Variants in TRERF1 observed in about 807,000 individuals in gnomAD.
TRERF1 encodes transcriptional regulating factor 1, also known as transcriptional-regulating factor 1.
In TRERF1, 27 loss-of-function variants were observed where a neutral mutation model predicts 122.9. The observed-to-expected ratio is 0.22, with a 90% CI of 0.16 to 0.30. The LOEUF (loss-of-function observed/expected upper bound fraction) is 0.30. TRERF1 is among the 10% of genes least tolerant of loss of function. The pLI, the probability that TRERF1 is intolerant of heterozygous loss-of-function variation, is 1.00. For missense variants in TRERF1, 1,248 were observed against 1,560.3 expected (o/e 0.80, Z 3.37); for synonymous variants, 636 against 641.7 (o/e 0.99, Z 0.13).
chr6:42,415,358 G>A (rs1285256108), intron 2 of TRERF1, among the ~76,000 whole-genome samples: 2 of 151,934 alleles, frequency 1.3e-5, no homozygotes, highest in African/African-American at 4.8e-5. Flanking sequence ...TTTGTTTACA[G>A]TGTTACTCTT....
intron 4 of TRERF1, among the ~76,000 whole-genome samples, chr6:42,283,283 C>T (rs66566354): frequency 2.0e-5 from 3 of 152,334 alleles, no homozygotes; most frequent in Admixed American, 1.3e-4. Flanking sequence ...TGCTCTGTGC[C>T]TGTCCTCAAA....
chr6:42,320,523 T>TTTTTTTTTTA (rs1763245512), intron 3 of TRERF1, among the ~76,000 whole-genome samples: 2 of 151,406 alleles, frequency 1.3e-5, no homozygotes, highest in African/African-American at 4.9e-5. Flanking sequence ...TTTTTTTTTT[T>TTTTTTTTTTA]GAGACTGAGT....
chr6:42,259,693 G>A lies in TRERF1; in HGVS notation c.1915C>T (p.Pro639Ser), dbSNP rs748570319. The stretch of plus-strand genomic sequence containing the variant: ...GTCTTGAGGGGCTCCTCGGCTTTGG[G>A]CACACTCGGCTGATGCTTCCTGGGG... The change falls in exon 9 of 18, where the codon CCC becomes TCC. Residue 639 changes from proline (P) to serine (S), a missense_variant. This residue lies in a region of TRERF1 where 946 missense variants were observed against 1,073.0 expected (regional missense o/e 0.88). Coordinates refer to ENST00000372922, the Ensembl canonical transcript of TRERF1. The surrounding 1 kb of genome is among the most constrained non-coding windows in gnomAD (Gnocchi z 4.9). 2.1e-5 allele frequency: 34 copies of A among 1,605,178 alleles called. No homozygotes were observed. Among genetic ancestry groups the A allele is most frequent in the Non-Finnish European group, 2.7e-5 (32 of 1,179,970 alleles).
chr6:42,243,099 C>A (rs963779014), intron 15 of TRERF1, 149 bp downstream of exon 15: 3 of 670,484 alleles, frequency 4.5e-6, no homozygotes, highest in African/African-American at 3.6e-5. Context: ...GAGGGTAGGT[C>A]CTGAATCCTG....
At chr6:42,236,322 C>A (rs774288676) in exon 16 of TRERF1, 1 of 1,600,620 alleles carries the variant, frequency 6.2e-7, no homozygotes, top group East Asian at 2.2e-5. Flanking sequence ...GGGACTTCGG[C>A]ACCTCACTCT....
intron 4 of TRERF1, among the ~76,000 whole-genome samples, chr6:42,288,630 A>T (rs907202506): frequency 1.3e-5 from 2 of 151,130 alleles, no homozygotes; most frequent in Non-Finnish European, 2.9e-5. Context: ...TTGGCAGAAA[A>T]GTCAGGGAAG....
At chr6:42,308,823 T>C (rs1787741427) in intron 3 of TRERF1, among the ~76,000 whole-genome samples, 2 of 152,144 alleles carry the variant, frequency 1.3e-5, no homozygotes, top group African/African-American at 4.8e-5. Context: ...GCAGAAAAGA[T>C]TACAACTGGG....
In TRERF1 at chr6:42,249,760, G is replaced by T. The variant is rs574734666; in HGVS notation, c.2657-3216C>A. Among the ~76,000 whole-genome samples the T allele has an allele frequency of 3.3e-3, 502 of 152,298 alleles. 5 individuals are homozygous for T. The highest frequency in any genetic ancestry group is 0.011 in the African/African-American group (474 of 41,548). ...GAGGTGGCTCTTCTGCACAGTCCTA[G>T]GCTTTGTGCTTTGGTGCAAATGATA... On this transcript the variant is annotated intron_variant, in intron 13 of 17. Coordinates refer to ENST00000372922, the Ensembl canonical transcript of TRERF1.
rs542606544 is a variant in TRERF1, at chr6:42,379,328, G to A, written c.-453-16249C>T. Among the ~76,000 whole-genome samples, 3 of 152,164 alleles carry A rather than the reference G, an allele frequency of 2.0e-5. No homozygotes were observed. The East Asian group carries it at 5.8e-4, about 30-fold the overall frequency. On this transcript the variant is annotated intron_variant, in intron 2 of 17. Coordinates refer to ENST00000372922, the Ensembl canonical transcript of TRERF1. ...GATGGATCCACATGGCCAATGGAAA[G>A]CAATGGAGTCTCCACCACCCCAGCC...
intron 2 of TRERF1, among the ~76,000 whole-genome samples, chr6:42,434,668 C>CCACACACACA (rs3075920): frequency 3.6e-4 from 41 of 114,966 alleles, no homozygotes; most frequent in Middle Eastern, 4.8e-3. Flanking sequence ...ACACCCTCCA[C>CCACACACACA]CACACACACA....
In TRERF1 at chr6:42,232,424, G is replaced by C. The variant is rs73436256; in HGVS notation, c.3278+257C>G. Among the ~76,000 whole-genome samples the C allele has an allele frequency of 6.0e-3, 919 of 152,272 alleles. 15 individuals carry two copies. Among genetic ancestry groups the C allele is most frequent in the African/African-American group, 0.021 (867 of 41,542 alleles). ...AACCAGAGTCCCACCTGCCATTCCT[G>C]GGAAAGAGTGAAGTTTTGTAACTTA... is the stretch of plus-strand genomic sequence containing the variant. On this transcript the variant is annotated intron_variant, in intron 17 of 17. Transcript: ENST00000372922. This position sits in a 1 kb window ranked among gnomAD's most constrained non-coding sequence, Gnocchi z 4.5.
intron 4 of TRERF1, among the ~76,000 whole-genome samples, chr6:42,300,191 G>A (rs1174300356): frequency 6.6e-6 from 1 of 152,194 alleles, no homozygotes; most frequent in Admixed American, 6.5e-5. Context: ...GTCCAACACT[G>A]GCTGGAAACT....
intron 2 of TRERF1, among the ~76,000 whole-genome samples, chr6:42,408,514 G>C (rs1282716145): frequency 6.6e-6 from 1 of 150,868 alleles, no homozygotes; most frequent in East Asian, 1.9e-4. Flanking sequence ...GAGTAGCTGG[G>C]ATTACAGACA....
At chr6:42,243,490 C>T in intron 14 of TRERF1, 129 bp from the exon 15 acceptor site, 1 of 625,930 alleles carries the variant, frequency 1.6e-6, no homozygotes, top group Non-Finnish European at 2.8e-6. Context: ...AAAAATGTAC[C>T]TGGTGAAAGG....
At position 42,276,643 on chromosome 6, in the gene TRERF1, G is replaced by A. The variant is rs1781200965; in HGVS notation, c.-258-6795C>T. ...GATTAGTCTTCTAAATAATTCCAGTGGGTATTTTATAATCCAGTAACCCGA... is the reference window on the plus strand; with the variant it reads ...GATTAGTCTTCTAAATAATTCCAGTAGGTATTTTATAATCCAGTAACCCGA... On this transcript the variant is annotated intron_variant, in intron 4 of 17. Coordinates refer to ENST00000372922, the Ensembl canonical transcript of TRERF1. This position sits in a 1 kb window ranked among gnomAD's most constrained non-coding sequence, Gnocchi z 4.3. Among the ~76,000 whole-genome samples the A allele has an allele frequency of 2.0e-5, 3 of 152,192 alleles. No homozygotes were observed. Among genetic ancestry groups the A allele is most frequent in the Non-Finnish European group, 4.4e-5 (3 of 68,036 alleles).
intron 14 of TRERF1, among the ~76,000 whole-genome samples, chr6:42,244,333 C>T (rs1000648575): frequency 6.6e-6 from 1 of 152,098 alleles, no homozygotes; most frequent in African/African-American, 2.4e-5. Context: ...TACAGGCATG[C>T]ACCACCACGC....
chr6:42,297,926 A>G (rs2150210784), intron 4 of TRERF1, among the ~76,000 whole-genome samples: 1 of 152,336 alleles, frequency 6.6e-6, no homozygotes, highest in Non-Finnish European at 1.5e-5. Context: ...GGGAATTACA[A>G]GACACAAAAT....
chr6:42,244,947 C>T (rs774414194), intron 14 of TRERF1, among the ~76,000 whole-genome samples: 1 of 152,214 alleles, frequency 6.6e-6, no homozygotes, highest in African/African-American at 2.4e-5. Context: ...CTGGCCTTAC[C>T]CTTGAGGGTG....
intron 2 of TRERF1, among the ~76,000 whole-genome samples, chr6:42,374,405 C>T (rs553683377): frequency 2.0e-5 from 3 of 152,276 alleles, no homozygotes; most frequent in East Asian, 1.9e-4. Context: ...CAGCTGTTGT[C>T]GAGGCCCTTT....
Sources: allele counts gnomAD v4.1 joint callset (sites outside exome capture counted in the v4.1 genomes callset), GRCh38; gene constraint gnomAD v4.1.1; regional missense constraint gnomAD v4.1.1; non-coding constraint Gnocchi (gnomAD v3.1); transcripts MANE v1.5; gene names NCBI Gene and HGNC (gene_info 2026-07-23, HGNC 2026-07-21).